Variants in RABGAP1L observed in about 807,000 individuals in gnomAD.
RABGAP1L encodes rab GTPase-activating protein 1-like.
Under a neutral mutation model 137.7 loss-of-function variants are expected in RABGAP1L, and 63 were observed. That is an observed-to-expected ratio of 0.46 (90% confidence interval 0.37 to 0.56). The LOEUF is 0.56. RABGAP1L is among the 20% of genes least tolerant of loss of function. The pLI is 0.00. For synonymous variants in RABGAP1L, 431 were observed against 433.7 expected, an observed-to-expected ratio of 0.99 and a Z score of 0.08; for missense variants, 1,095 against 1,244.0, an observed-to-expected ratio of 0.88 and a Z score of 1.80.
At chr1:174,820,308 A>C (rs371496828) in intron 19 of RABGAP1L, among the ~76,000 whole-genome samples, 15 of 152,226 alleles carry the variant, frequency 9.9e-5, no homozygotes, top group African/African-American at 3.6e-4. Context: ...AGTAAGAGGG[A>C]GTAGAGAAAG....
At position 174,611,569 on chromosome 1, in the gene RABGAP1L, G is replaced by A. The variant is rs1452758728; in HGVS notation, c.1711-25806G>A. Among the ~76,000 whole-genome samples the A allele has an allele frequency of 3.3e-5, 5 of 149,468 alleles. No homozygotes were observed. In the East Asian group the frequency reaches 7.8e-4, roughly 23 times the overall value. On this transcript the variant is annotated intron_variant, in intron 13 of 25. Transcript: ENST00000681986. ...TTTTTGGTTCCATATGAACTTTAAA[G>A]TAGTTTTTTCCAATTCTGTGAAGAA...
At chr1:174,922,859 T>C (rs138694769) in intron 19 of RABGAP1L, among the ~76,000 whole-genome samples, 326 of 152,336 alleles carry the variant, frequency 2.1e-3, no homozygotes, top group Non-Finnish European at 3.2e-3. Flanking sequence ...CTTGATTTCC[T>C]GTTCTATAAA....
intron 1 of RABGAP1L, among the ~76,000 whole-genome samples, chr1:174,204,003 G>A (rs905405748): frequency 1.3e-5 from 2 of 150,794 alleles, no homozygotes; most frequent in Non-Finnish European, 2.9e-5. Flanking sequence ...TGGCACTAGA[G>A]TGCAGTGGCA....
At chr1:174,674,868 T>C (rs1446035558) in intron 14 of RABGAP1L, among the ~76,000 whole-genome samples, 1 of 152,276 alleles carries the variant, frequency 6.6e-6, no homozygotes, top group Non-Finnish European at 1.5e-5. Flanking sequence ...ATGTGTCTGT[T>C]GGCTGCATAA....
intron 13 of RABGAP1L, among the ~76,000 whole-genome samples, chr1:174,458,798 G>A (rs1187240213): frequency 2.0e-5 from 3 of 152,022 alleles, no homozygotes; most frequent in African/African-American, 4.8e-5. Context: ...AACTTCAGAA[G>A]CATTTATTAA....
At chr1:174,393,897 A>C (rs1647486557) in intron 12 of RABGAP1L, 98 bp from the exon 13 acceptor site, 2 of 1,373,608 alleles carry the variant, frequency 1.5e-6, no homozygotes, top group East Asian at 2.3e-5. Flanking sequence ...CTCTTGACCC[A>C]AGCTTACACT....
At chr1:174,885,543 A>G (rs1322084579) in intron 19 of RABGAP1L, among the ~76,000 whole-genome samples, 1 of 152,048 alleles carries the variant, frequency 6.6e-6, no homozygotes, top group African/African-American at 2.4e-5. Context: ...TTTTGTAGAG[A>G]TGGGGTTTCA....
At chr1:174,794,328 A>G (rs1320233688) in intron 18 of RABGAP1L, among the ~76,000 whole-genome samples, 1 of 152,168 alleles carries the variant, frequency 6.6e-6, no homozygotes. Context: ...AATATATCCA[A>G]AGTTCTTTTT....
At chr1:174,522,162 T>C (rs1054153320) in intron 13 of RABGAP1L, among the ~76,000 whole-genome samples, 3 of 152,100 alleles carry the variant, frequency 2.0e-5, no homozygotes, top group African/African-American at 4.8e-5. Context: ...CCTCTCCTAC[T>C]TGGCAGAAGA....
At chr1:174,529,879 T>G (rs1292006694) in intron 13 of RABGAP1L, among the ~76,000 whole-genome samples, 3 of 152,126 alleles carry the variant, frequency 2.0e-5, no homozygotes, top group Non-Finnish European at 4.4e-5. Context: ...CTCAGGCCCA[T>G]GGGAGTAGTG....
At position 174,989,600 on chromosome 1, in the gene RABGAP1L, A is replaced by G. The variant is rs536629281; in HGVS notation, c.3004-249A>G. 1.5e-3 allele frequency among the ~76,000 whole-genome samples: 221 copies of G among 152,322 alleles called. 4 individuals carry two copies. The highest frequency in any genetic ancestry group is 1.5e-3 in the Non-Finnish European group (102 of 68,028). On this transcript the variant is annotated intron_variant, in intron 25 of 25. Transcript: ENST00000681986. ...AAACCTAAATTTGGACCTAACTTGC[A>G]GGGAAAAAAAGAATAAAATGAGCTT... is the stretch of plus-strand genomic sequence containing the variant.
At chr1:174,726,952 G>A (rs1376244874) in intron 17 of RABGAP1L, among the ~76,000 whole-genome samples, 1 of 152,002 alleles carries the variant, frequency 6.6e-6, no homozygotes, top group African/African-American at 2.4e-5. Flanking sequence ...TTTTGTTTTT[G>A]CTCAGAATAG....
chr1:174,711,668 C>T (rs546666242), intron 17 of RABGAP1L, among the ~76,000 whole-genome samples: 12 of 152,298 alleles, frequency 7.9e-5, no homozygotes, highest in South Asian at 2.1e-4. Context: ...CTGCCGTGCC[C>T]GAGTGCCCCC....
chr1:174,636,202 A>T (rs536610653), intron 13 of RABGAP1L, among the ~76,000 whole-genome samples: 1 of 152,266 alleles, frequency 6.6e-6, no homozygotes, highest in Admixed American at 6.5e-5. Context: ...TTGGTTTCTA[A>T]ATTTGTCTTC....
intron 18 of RABGAP1L, among the ~76,000 whole-genome samples, chr1:174,788,399 T>C (rs959836148): frequency 1.3e-5 from 2 of 152,198 alleles, no homozygotes; most frequent in African/African-American, 4.8e-5. Context: ...ACCTGTACTT[T>C]AGAAAGTTAA....
intron 13 of RABGAP1L, among the ~76,000 whole-genome samples, chr1:174,400,282 A>G (rs1200233798): frequency 6.6e-6 from 1 of 152,164 alleles, no homozygotes; most frequent in African/African-American, 2.4e-5. Context: ...TGACTCCATT[A>G]TAATACTATG....
At chr1:174,988,933 T>A in intron 25 of RABGAP1L, 95 bp downstream of exon 25, 2 of 1,128,916 alleles carry the variant, frequency 1.8e-6, no homozygotes. Flanking sequence ...AGGTCAGAAT[T>A]GTATGATGAA....
At chr1:174,871,997 A>G (rs1558172652) in intron 19 of RABGAP1L, among the ~76,000 whole-genome samples, 1 of 152,220 alleles carries the variant, frequency 6.6e-6, no homozygotes, top group East Asian at 1.9e-4. Context: ...CTGAATTGTT[A>G]AAGAGTTGCA....
intron 10 of RABGAP1L, among the ~76,000 whole-genome samples, chr1:174,286,379 A>T (rs1332819249): frequency 1.3e-5 from 2 of 151,772 alleles, no homozygotes; most frequent in Non-Finnish European, 2.9e-5. Flanking sequence ...GTCTCTTATG[A>T]TCTGTTGTAT....
Sources: gnomAD v4.1 joint callset for allele counts (sites outside exome capture counted in the v4.1 genomes callset) on GRCh38, gnomAD v4.1.1 for gene constraint, MANE v1.5 for transcripts, NCBI Gene and HGNC (gene_info 2026-07-23, HGNC 2026-07-21) for gene names.